The following TTLL9 variants were observed in gnomAD, a reference collection of about 807,000 sequenced individuals.
The protein encoded by TTLL9 is probable tubulin polyglutamylase TTLL9.
A neutral mutation model predicts 65.6 loss-of-function variants in TTLL9; 47 were observed. The ratio of observed to expected loss-of-function variants is 0.72; its 90% confidence interval spans 0.57 to 0.91. TTLL9 has a LOEUF of 0.91. TTLL9 is among the 40% of genes least tolerant of loss of function. The probability of loss-of-function intolerance (pLI) is 0.00; values close to 1 mark genes in which losing one functional copy is unlikely to be tolerated. For synonymous variants in TTLL9, 179 were observed against 204.8 expected (o/e 0.87, Z 1.07); for missense variants, 537 against 568.8 (o/e 0.94, Z 0.57).
In TTLL9 at chr20:31,887,197, AC is replaced by A. The variant is rs775585359; in HGVS notation, c.73del (p.Gln25LysfsTer27). 9.9e-6 allele frequency: 16 copies of A among 1,614,168 alleles called. No homozygotes were observed. In the South Asian group the frequency reaches 1.3e-4, roughly 13 times the overall value. Reference protein sequence around the residue: ...TAIRCPKKLQNQNYKGHGLSK... With the variant: ...TAIRCPKKLQXQNYKGHGLSK... ...ATCCTTTTCCTTTCCTCATTGCAGA[AC>A]CAAAATTACAAGGGCCATGGATTGT... On this transcript the variant is annotated frameshift_variant and splice_region_variant, in exon 3 of 15. Transcript: ENST00000535842. LOFTEE classifies it high-confidence loss of function.
chr20:31,898,506 C>G lies in TTLL9; in HGVS notation c.147C>G (p.Thr49=). The change falls in exon 4 of 15, where the codon ACC becomes ACG. Residue 49 remains threonine, a synonymous_variant. Coordinates refer to ENST00000535842, the MANE Select transcript of TTLL9 (RefSeq NM_001008409.5). ...EQRASIRFKT[T]LMNTLMDVLR... ...GAGCATCGATCCGGTTCAAGACCAC[C>G]CTCATGAACACACTCATGGACGTCC... The G allele has an allele frequency of 1.2e-6, 2 of 1,614,150 alleles. No homozygotes were observed. The highest frequency in any genetic ancestry group is 2.2e-5 in the South Asian group (2 of 91,074).
intron 2 of TTLL9, chr20:31,884,233 A>G (rs925417796): frequency 2.7e-6 from 1 of 368,174 alleles, no homozygotes; most frequent in African/African-American, 2.1e-5. Flanking sequence ...TTATTTATTT[A>G]TTTATTTTTT....
At chr20:31,937,753 T>G (rs1424010662) in intron 13 of TTLL9, among the ~76,000 whole-genome samples, 1 of 151,606 alleles carries the variant, frequency 6.6e-6, no homozygotes, top group Admixed American at 6.6e-5. Flanking sequence ...CAGCAGGATT[T>G]CCTCGAAACC....
At chr20:31,881,420 A>T (rs1025902986) in intron 2 of TTLL9, among the ~76,000 whole-genome samples, 3 of 152,116 alleles carry the variant, frequency 2.0e-5, no homozygotes, top group Non-Finnish European at 4.4e-5. Context: ...AAAAACTGGG[A>T]CTGTTGACTC....
At chr20:31,902,190 C>CA (rs1296671251) in intron 4 of TTLL9, among the ~76,000 whole-genome samples, 10 of 152,140 alleles carry the variant, frequency 6.6e-5, no homozygotes, top group African/African-American at 2.2e-4. Flanking sequence ...GAAGAAACCC[C>CA]ATACCCACTA....
chr20:31,905,972 G>A (rs2063550367), intron 4 of TTLL9, among the ~76,000 whole-genome samples: 1 of 149,660 alleles, frequency 6.7e-6, no homozygotes, highest in Non-Finnish European at 1.5e-5. Context: ...GGCGGAGGTT[G>A]CGGTGAGTCG....
At chr20:31,887,086 G>A in intron 2 of TTLL9, 110 bp from the exon 3 acceptor site, 1 of 1,081,814 alleles carries the variant, frequency 9.2e-7, no homozygotes, top group South Asian at 1.4e-5. Flanking sequence ...CAGAACCTAG[G>A]CATTGTTGAG....
intron 9 of TTLL9, 67 bp from the exon 10 acceptor site, chr20:31,925,982 C>T: frequency 6.2e-7 from 1 of 1,601,164 alleles, no homozygotes; most frequent in East Asian, 2.3e-5. Flanking sequence ...TCCTGGCTAA[C>T]CACCCCCGAC....
chr20:31,914,194 A>G (rs1158099311), intron 6 of TTLL9, among the ~76,000 whole-genome samples: 1 of 152,210 alleles, frequency 6.6e-6, no homozygotes, highest in South Asian at 2.1e-4. Context: ...AGAATTTTTC[A>G]CTGAGACTTT....
At chr20:31,925,789 G>A (rs533406597) in intron 9 of TTLL9, 1 of 1,266,978 alleles carries the variant, frequency 7.9e-7, no homozygotes, top group East Asian at 2.5e-5. Flanking sequence ...TGGAGGAAAC[G>A]GTAGGTGCAA....
chr20:31,899,775 T>C (rs936824066), intron 4 of TTLL9, among the ~76,000 whole-genome samples: 1 of 152,080 alleles, frequency 6.6e-6, no homozygotes, highest in African/African-American at 2.4e-5. Flanking sequence ...ATGTTGTTTT[T>C]TTTTTTTGAG....
Position 31,872,458 on chromosome 20 carries a change from T to C in TTLL9, c.69+1263T>C, listed in dbSNP as rs796568820. Reference sequence around the variant, plus strand: ...TTGGGAGGCCAAGGCAGGAGGACTGTGTGAGCCCAGGAGTTTGAGACCAGC... The same window carrying C: ...TTGGGAGGCCAAGGCAGGAGGACTGCGTGAGCCCAGGAGTTTGAGACCAGC... On this transcript the variant is annotated intron_variant, in intron 2 of 14. Transcript: ENST00000535842. Among the ~76,000 whole-genome samples, 4 of 150,162 alleles carry C rather than the reference T, an allele frequency of 2.7e-5. No individual in the cohort carries two copies. In the South Asian group the frequency reaches 8.4e-4, roughly 32 times the overall value.
chr20:31,912,207 G>A (rs114168795), intron 6 of TTLL9, among the ~76,000 whole-genome samples: 148 of 152,212 alleles, frequency 9.7e-4, no homozygotes, highest in African/African-American at 3.0e-3. Flanking sequence ...AGGAAACACC[G>A]TCTCTTTGCT....
chr20:31,885,332 TA>T, intron 2 of TTLL9, among the ~76,000 whole-genome samples: 1 of 151,700 alleles, frequency 6.6e-6, no homozygotes, highest in Admixed American at 6.6e-5. Context: ...GATAGTGACA[TA>T]AGGATAGACA....
rs1303525357 is a variant in TTLL9, at chr20:31,887,178, T to C, written c.70-18T>C. ...GATATACAAAACCAGTTACATCCTT[T>C]TCCTTTCCTCATTGCAGAACCAAAA... On this transcript the variant is annotated intron_variant, in intron 2 of 14. Transcript: ENST00000535842. 4.3e-6 allele frequency: 7 copies of C among 1,613,920 alleles called. No individual in the cohort carries two copies. The Admixed American group carries it at 1.2e-4, about 27-fold the overall frequency.
rs1479074695 is a variant in TTLL9 at position 31,908,586 on chromosome 20, C to T, written c.207-5C>T. Reference sequence around the variant, plus strand: ...CCTTTATCCCCGCCCCCACCCCACCCCCAGCGAAGGGGAGTGGGATTTCTA... The same window carrying T: ...CCTTTATCCCCGCCCCCACCCCACCTCCAGCGAAGGGGAGTGGGATTTCTA... On this transcript the variant is annotated splice_region_variant and splice_polypyrimidine_tract_variant and intron_variant, in intron 4 of 14. Transcript: ENST00000535842. 1 of 1,611,738 alleles carries T rather than the reference C, an allele frequency of 6.2e-7. No individual in the cohort carries two copies. The highest frequency in any genetic ancestry group is 8.5e-7 in the Non-Finnish European group (1 of 1,177,862).
chr20:31,882,400 G>C (rs534122715), intron 2 of TTLL9, among the ~76,000 whole-genome samples: 20 of 152,268 alleles, frequency 1.3e-4, no homozygotes, highest in African/African-American at 4.8e-4. Context: ...TCTCCACCTG[G>C]TAGGTATTAC....
rs553790927 is a variant in TTLL9 at position 31,918,181 on chromosome 20, ACTGTCTGCTCTTT to A, written c.505-1673_505-1661del. ...GCCCGAGCTGTCTTATCTGTGTTTT[ACTGTCTGCTCTTT>A]CTGTCTGCTTGTAGTTAGAAGAGAA... On this transcript the variant is annotated intron_variant, in intron 6 of 14. Transcript: ENST00000535842. Among the ~76,000 whole-genome samples, 11 of 151,908 alleles carry A rather than the reference ACTGTCTGCTCTTT, an allele frequency of 7.2e-5. No homozygotes were observed. The South Asian group carries it at 2.1e-3, about 29-fold the overall frequency.
At chr20:31,904,656 C>A (rs960234697) in intron 4 of TTLL9, among the ~76,000 whole-genome samples, 1 of 152,080 alleles carries the variant, frequency 6.6e-6, no homozygotes, top group Non-Finnish European at 1.5e-5. Context: ...CCGTGCCTGG[C>A]CTTTTTTAAG....
Sources: allele counts gnomAD v4.1 joint callset (sites outside exome capture counted in the v4.1 genomes callset), GRCh38; gene constraint gnomAD v4.1.1; transcripts MANE v1.5; gene names NCBI Gene and HGNC (gene_info 2026-07-23, HGNC 2026-07-21).